Variants in POLD1 observed in about 807,000 individuals in gnomAD.
The protein encoded by POLD1 is DNA polymerase delta catalytic subunit.
A neutral mutation model predicts 129.7 loss-of-function variants in POLD1; 79 were observed. The observed-to-expected ratio is 0.61, with a 90% CI of 0.51 to 0.73. POLD1 has a LOEUF of 0.73. Among genes scored for constraint, POLD1 ranks in the 30% least tolerant of loss-of-function variants. The probability of loss-of-function intolerance (pLI) is 0.00; values close to 1 mark genes in which losing one functional copy is unlikely to be tolerated. For synonymous variants in POLD1, 714 were observed against 683.3 expected (o/e 1.04, Z -0.70); for missense variants, 1,338 against 1,595.8 (o/e 0.84, Z 2.75).
intron 1 of POLD1, among the ~76,000 whole-genome samples, chr19:50,390,572 A>ATTTTTTTTT (rs563258123): frequency 0.023 from 3,113 of 135,642 alleles, 118 homozygotes; most frequent in African/African-American, 0.081. Context: ...CTTGAGAACT[A>ATTTTTTTTT]TTTTTTTTTT....
At position 50,408,877 on chromosome 19, in the gene POLD1, G is replaced by A. The variant is rs781327088; in HGVS notation, c.1868G>A (p.Arg623Gln). Reference protein sequence around the residue: ...AHNLCYTTLLRPGTAQKLGLT... With the variant: ...AHNLCYTTLLQPGTAQKLGLT... ...AACCTGTGTTACACCACGCTCCTTC[G>A]GCCCGGGACTGCACAGAAACTGGGG... The change falls in exon 15 of 27, where the codon CGG becomes CAG. Residue 623 changes from arginine (R) to glutamine (Q), a missense_variant. Around this residue, in one of 3 missense-constraint regions of POLD1, gnomAD observed 720 missense variants for 1,002.6 expected, o/e 0.72. Transcript: ENST00000440232. 23 of 1,612,784 alleles carry A rather than the reference G, an allele frequency of 1.4e-5. No homozygotes were observed. In the East Asian group the frequency reaches 1.6e-4, roughly 11 times the overall value.
In POLD1 at chr19:50,403,129, C is replaced by T; in HGVS notation, c.1047C>T (p.Pro349=). 6.4e-7 allele frequency: 1 copy of T among 1,561,998 alleles called. No homozygotes were observed. The highest frequency in any genetic ancestry group is 2.4e-5 in the East Asian group (1 of 41,832). Residue 349 remains proline, a synonymous_variant, in exon 9 of 27, where the codon CCC becomes CCT. Transcript: ENST00000440232. Reference sequence around the variant, plus strand: ...GCCTGCGCTGGGGGGAGCCGGAGCCCTTCCTACGCCTGGCGCTCACCCTGC... The same window carrying T: ...GCCTGCGCTGGGGGGAGCCGGAGCCTTTCCTACGCCTGGCGCTCACCCTGC... ...SLGLRWGEPE[P]FLRLALTLRP... is the part of the protein sequence containing the mutation.
intron 20 of POLD1, 136 bp from the exon 21 acceptor site, chr19:50,415,302 A>G (rs995631143): frequency 1.4e-5 from 12 of 855,836 alleles, no homozygotes; most frequent in Admixed American, 7.7e-5. Context: ...TCTGCAGCCT[A>G]TGGTAGGAAG....
chr19:50,417,481 C>A (rs905345351), intron 26 of POLD1, among the ~76,000 whole-genome samples: 1 of 152,154 alleles, frequency 6.6e-6, no homozygotes, highest in African/African-American at 2.4e-5. Context: ...AGGGAGGCAG[C>A]GCCCGGCACC....
At position 50,406,131 on chromosome 19, in the gene POLD1, T is replaced by C. The variant is rs1399298542; in HGVS notation, c.1243-51T>C. The stretch of plus-strand genomic sequence containing the variant: ...TGGTCTCAATCTCCGTTCTTCAGGC[T>C]TATGTGACGGGGACCCGCAGCCTGC... On this transcript the variant is annotated intron_variant, in intron 10 of 26. Coordinates refer to ENST00000440232, the MANE Select transcript of POLD1 (RefSeq NM_002691.4). This position sits in a 1 kb window ranked among gnomAD's most constrained non-coding sequence, Gnocchi z 5.5. 3 of 1,588,812 alleles carry C rather than the reference T, an allele frequency of 1.9e-6. No individual in the cohort carries two copies. Among genetic ancestry groups the C allele is most frequent in the Non-Finnish European group, 2.6e-6 (3 of 1,163,392 alleles).
Position 50,402,023 on chromosome 19 carries a change from A to T in POLD1, c.488A>T (p.Asp163Val), listed in dbSNP as rs2122237715. The T allele has an allele frequency of 6.2e-7, 1 of 1,613,954 alleles. No homozygotes were observed. The highest frequency in any genetic ancestry group is 8.5e-7 in the Non-Finnish European group (1 of 1,179,958). Residue 163 changes from aspartate (D) to valine (V), a missense_variant, in exon 5 of 27, where the codon GAC becomes GTC. Transcript: ENST00000440232. Reference protein sequence around the residue: ...PPGFGPEHMGDLQRELNLAIS... With the variant: ...PPGFGPEHMGVLQRELNLAIS... Reference sequence around the variant, plus strand: ...GGTTTCGGGCCCGAGCACATGGGTGACCTGCAACGGGAGCTGAACTTGGCC... The same window carrying T: ...GGTTTCGGGCCCGAGCACATGGGTGTCCTGCAACGGGAGCTGAACTTGGCC...
Position 50,406,097 on chromosome 19 carries a change from T to G in POLD1, c.1243-85T>G. ...CGACCCCCTAGGGTTGTTATAAGGA[T>G]GTTGTGGTTGGTCTCAATCTCCGTT... On this transcript the variant is annotated intron_variant, in intron 10 of 26. Coordinates refer to ENST00000440232, the MANE Select transcript of POLD1 (RefSeq NM_002691.4). The surrounding 1 kb of genome is among the most constrained non-coding windows in gnomAD (Gnocchi z 5.5). 4 of 1,499,470 alleles carry G rather than the reference T, an allele frequency of 2.7e-6. No homozygotes were observed. Among genetic ancestry groups the G allele is most frequent in the Non-Finnish European group, 3.6e-6 (4 of 1,095,958 alleles). 92.9% of individuals were successfully genotyped at this position (1,499,470 alleles called of 1,614,324 possible).
intron 17 of POLD1, chr19:50,410,896 A>C (rs2039065579): frequency 6.6e-6 from 1 of 151,612 alleles, no homozygotes; most frequent in South Asian, 2.1e-4. Context: ...CCAGGGCCCT[A>C]CCATAAACCA....
At chr19:50,413,303 G>C (rs1187055536) in intron 17 of POLD1, 123 bp from the exon 18 acceptor site, 1 of 739,406 alleles carries the variant, frequency 1.4e-6, no homozygotes, top group Non-Finnish European at 2.2e-6. Context: ...AGGAGGGGCA[G>C]AGTGGCTTGT....
chr19:50,401,393 T>G (rs2546565), intron 3 of POLD1, among the ~76,000 whole-genome samples: 4 of 48,622 alleles, frequency 8.2e-5, no homozygotes, highest in Admixed American at 6.7e-4. Context: ...ATATATATAT[T>G]TTTTTTTTTT....
rs3219434 is a variant in POLD1 at position 50,415,886 on chromosome 19, G to A, written c.2820+60G>A. 1.2e-3 allele frequency: 1,557 copies of A among 1,251,494 alleles called. 8 individuals carry two copies. In the African/African-American group the frequency reaches 0.014, roughly 11 times the overall value. The allele number at this position is 1,251,494 out of a possible 1,614,324, so 77.5% of individuals were successfully genotyped here. A position where few individuals can be genotyped will look rare whatever the true frequency, so the allele number is the denominator to read the frequency against. ...CCCCTCGCTCTCACTTCTGCTTTCC[G>A]AGATGGGCGGGCCTGCGGGAAGGGT... On this transcript the variant is annotated intron_variant, in intron 22 of 26. Coordinates refer to ENST00000440232, the MANE Select transcript of POLD1 (RefSeq NM_002691.4).
At chr19:50,407,510 G>T in intron 14 of POLD1, 95 bp downstream of exon 14, 2 of 631,360 alleles carry the variant, frequency 3.2e-6, no homozygotes, top group Non-Finnish European at 5.0e-6. Flanking sequence ...ACCAGCCAGG[G>T]CAACATAGCG....
chr19:50,405,237 C>T lies in POLD1; in HGVS notation c.1243-945C>T, dbSNP rs528459695. Among the ~76,000 whole-genome samples the T allele has an allele frequency of 7.9e-5, 12 of 152,240 alleles. No individual in the cohort carries two copies. In the South Asian group the frequency reaches 1.2e-3, roughly 16 times the overall value. ...ACATGTCCTCTTTGTGTAGTGACAC[C>T]GTCGTGAGGTGAGGGCCCACCCCAG... On this transcript the variant is annotated intron_variant, in intron 10 of 26. Coordinates refer to ENST00000440232, the MANE Select transcript of POLD1 (RefSeq NM_002691.4).
chr19:50,409,435 C>G lies in POLD1; in HGVS notation c.2007-84C>G. ...CTGTGCAGTGCACAGTACGCCCAAC[C>G]GTACATGGCACTCACTTCCAGAAAG... is the stretch of plus-strand genomic sequence containing the variant. On this transcript the variant is annotated intron_variant, in intron 16 of 26. Transcript: ENST00000440232. The surrounding 1 kb of genome is among the most constrained non-coding windows in gnomAD (Gnocchi z 5.8). 1 of 1,576,108 alleles carries G rather than the reference C, an allele frequency of 6.3e-7. No homozygotes were observed. Among genetic ancestry groups the G allele is most frequent in the East Asian group, 2.2e-5 (1 of 44,646 alleles).
rs763583971 is a variant in POLD1, at chr19:50,406,348, C to A, written c.1383+26C>A. The A allele has an allele frequency of 3.0e-5, 49 of 1,612,704 alleles. No individual in the cohort carries two copies. The Admixed American group carries it at 8.2e-4, about 27-fold the overall frequency. On this transcript the variant is annotated intron_variant, in intron 11 of 26. Coordinates refer to ENST00000440232, the MANE Select transcript of POLD1 (RefSeq NM_002691.4). The surrounding 1 kb of genome is among the most constrained non-coding windows in gnomAD (Gnocchi z 5.5). ...GTATGGGCGGGAGGTGGGGTGTGTC[C>A]CTGTCCTTGGAAGGCCACTGCCCAG...
Position 50,415,911 on chromosome 19 carries a change from T to C in POLD1, c.2820+85T>C, listed in dbSNP as rs184594588. On this transcript the variant is annotated intron_variant, in intron 22 of 26. Coordinates refer to ENST00000440232, the MANE Select transcript of POLD1 (RefSeq NM_002691.4). The stretch of plus-strand genomic sequence containing the variant: ...GAGATGGGCGGGCCTGCGGGAAGGG[T>C]GGGGCCTCCCGTGCCCTGTGGGGCC... 1.9e-4 allele frequency: 205 copies of C among 1,063,788 alleles called. No individual in the cohort carries two copies. In the African/African-American group the frequency reaches 2.9e-3, roughly 15 times the overall value. 65.9% of individuals were successfully genotyped at this position (1,063,788 alleles called of 1,614,324 possible).
In POLD1 at chr19:50,385,641, G is replaced by A. The variant is rs1011544035; in HGVS notation, c.-2+1251G>A. Among the ~76,000 whole-genome samples the A allele has an allele frequency of 4.6e-5, 7 of 151,302 alleles. No individual in the cohort carries two copies. In the East Asian group the frequency reaches 1.2e-3, roughly 25 times the overall value. ...CCTCCCGAGTTCAGGCGAGTCTCGT[G>A]CCTCAGCCTCCTGAGTAGCTGGGAT... On this transcript the variant is annotated intron_variant, in intron 1 of 26. Transcript: ENST00000440232.
chr19:50,416,640 T>C lies in POLD1; in HGVS notation c.2984T>C (p.Leu995Pro), dbSNP rs2122496201. 1 of 1,566,346 alleles carries C rather than the reference T, an allele frequency of 6.4e-7. No homozygotes were observed. ...GACCACACGCGCTGCAAGACGGTGC[T>C]CACGGGCAAGGTGGGCGGCCTCCTG... ...RGDHTRCKTV[L>P]TGKVGGLLAF... is the part of the protein sequence containing the mutation. The change falls in exon 24 of 27, where the codon CTC (leucine) becomes CCC (proline). Residue 995 changes from leucine (L) to proline (P), a missense_variant. This residue lies in a region of POLD1 where 286 missense variants were observed against 277.5 expected (regional missense o/e 1.03). Coordinates refer to ENST00000440232, the MANE Select transcript of POLD1 (RefSeq NM_002691.4).
At chr19:50,396,175 C>T (rs886632960) in intron 1 of POLD1, among the ~76,000 whole-genome samples, 1 of 151,068 alleles carries the variant, frequency 6.6e-6, no homozygotes, top group African/African-American at 2.4e-5. Context: ...CAACCTCCAC[C>T]TCTCGGGTTC....
Sources: gnomAD v4.1 joint callset for allele counts (sites outside exome capture counted in the v4.1 genomes callset) on GRCh38, gnomAD v4.1.1 for gene constraint, gnomAD v4.1.1 regional missense constraint, Gnocchi (gnomAD v3.1) non-coding constraint, MANE v1.5 for transcripts, NCBI Gene and HGNC (gene_info 2026-07-23, HGNC 2026-07-21) for gene names.